The following GPR137B variants were observed in gnomAD, a reference collection of about 807,000 sequenced individuals.
The protein encoded by GPR137B is G protein-coupled receptor 137B.
GPR137B carries 42 observed loss-of-function variants against 42.5 expected under a neutral mutation model. The observed-to-expected ratio is 0.99, with a 90% CI of 0.77 to 1.28. The LOEUF (loss-of-function observed/expected upper bound fraction) is 1.28, where lower values mean the gene tolerates loss of function less well. GPR137B is among the 50% of genes most tolerant of loss of function. GPR137B has a pLI of 0.00. For missense variants in GPR137B, 487 were observed against 493.9 expected (o/e 0.99, Z 0.13); for synonymous variants, 218 against 209.7 (o/e 1.04, Z -0.34).
rs139465308 is a variant in GPR137B, at chr1:236,166,722, C to T, written c.415-1984C>T. Among the ~76,000 whole-genome samples the T allele has an allele frequency of 6.6e-3, 1,008 of 152,102 alleles. 20 individuals are homozygous for T. The highest frequency in any genetic ancestry group is 0.023 in the African/African-American group (959 of 41,484). ...AGGAATGGCCGGGCACAGTGGCTAA[C>T]GCCTGTAATCCCAGCACTTTGGGAG... On this transcript the variant is annotated intron_variant, in intron 1 of 6. Coordinates refer to ENST00000366592, the MANE Select transcript of GPR137B (RefSeq NM_003272.4).
At position 236,142,880 on chromosome 1, in the gene GPR137B, C is replaced by T. The variant is rs139382100; in HGVS notation, c.258C>T (p.Leu86=). Residue 86 remains leucine, a synonymous_variant, in exon 1 of 7, where the codon CTC becomes CTT. Transcript: ENST00000366592. Reference sequence around the variant, plus strand: ...AGAGCGTCTTCCTCTTTCTCTGCCTCTTCTGGGCCTCCCTGCGGACCGTCC... The same window carrying T: ...AGAGCGTCTTCCTCTTTCTCTGCCTTTTCTGGGCCTCCCTGCGGACCGTCC... ...SYQSVFLFLC[L]FWASLRTVLF... is the part of the protein sequence containing the mutation. 343 of 1,614,134 alleles carry T rather than the reference C, an allele frequency of 2.1e-4. 1 individual carries two copies. The highest frequency in any genetic ancestry group is 1.4e-3 in the Admixed American group (87 of 60,018).
chr1:236,156,753 A>G lies in GPR137B; in HGVS notation c.415-11953A>G, dbSNP rs1216532829. Among the ~76,000 whole-genome samples the G allele has an allele frequency of 6.6e-6, 1 of 152,178 alleles. No individual in the cohort carries two copies. The highest frequency in any genetic ancestry group is 1.5e-5 in the Non-Finnish European group (1 of 68,048). On this transcript the variant is annotated intron_variant, in intron 1 of 6. Coordinates refer to ENST00000366592, the MANE Select transcript of GPR137B (RefSeq NM_003272.4). The surrounding 1 kb of genome is among the most constrained non-coding windows in gnomAD (Gnocchi z 4.8). ...GGGAACAGACTGAAGCAGCTGACTA[A>G]TGACTGTTGCCTGGGGAGACCAGGG...
chr1:236,200,442 G>A (rs1033544689), intron 5 of GPR137B, among the ~76,000 whole-genome samples: 1 of 151,996 alleles, frequency 6.6e-6, no homozygotes, highest in African/African-American at 2.4e-5. Context: ...AGTGCTGTCA[G>A]TGGAGTACTG....
In GPR137B at chr1:236,142,556, C is replaced by G; in HGVS notation, c.-67C>G. 1 of 864,238 alleles carries G rather than the reference C, an allele frequency of 1.2e-6. No individual in the cohort carries two copies. Among genetic ancestry groups the G allele is most frequent in the Non-Finnish European group, 1.6e-6 (1 of 644,466 alleles). The allele number at this position is 864,238 out of a possible 1,614,324, so 53.5% of individuals were successfully genotyped here. ...TGCGGCTTGTTTTCTTTCCTCCAGT[C>G]TCGGGGCTGCAGGCTGAGCGCGATG... is the stretch of plus-strand genomic sequence containing the variant. On this transcript the variant is annotated 5_prime_UTR_variant, in exon 1 of 7. Coordinates refer to ENST00000366592, the MANE Select transcript of GPR137B (RefSeq NM_003272.4).
In GPR137B at chr1:236,161,770, C is replaced by T. The variant is rs114425639; in HGVS notation, c.415-6936C>T. ...TTCCTCCTCATTTTTTTTCTCTTGCCGCCGCCATGTAAGAAATGCCTTTTG... is the reference window on the plus strand; with the variant it reads ...TTCCTCCTCATTTTTTTTCTCTTGCTGCCGCCATGTAAGAAATGCCTTTTG... On this transcript the variant is annotated intron_variant, in intron 1 of 6. Transcript: ENST00000366592. Among the ~76,000 whole-genome samples the T allele has an allele frequency of 5.1e-3, 773 of 152,100 alleles. 8 individuals are homozygous for T. The highest frequency in any genetic ancestry group is 0.018 in the African/African-American group (734 of 41,478).
chr1:236,151,032 AAAC>A (rs1176075412), intron 1 of GPR137B, among the ~76,000 whole-genome samples: 1 of 152,212 alleles, frequency 6.6e-6, no homozygotes, highest in African/African-American at 2.4e-5. Flanking sequence ...AGGGTTTTGC[AAAC>A]AACAAAGTCA....
At chr1:236,160,912 T>C (rs1234736740) in intron 1 of GPR137B, among the ~76,000 whole-genome samples, 1 of 147,474 alleles carries the variant, frequency 6.8e-6, no homozygotes, top group African/African-American at 2.4e-5. Context: ...TTTTTTTGTC[T>C]TTTTGTTTTT....
intron 5 of GPR137B, among the ~76,000 whole-genome samples, chr1:236,190,148 C>CTTCTTTTTTTTTT (rs61093509): frequency 5.0e-5 from 6 of 119,398 alleles, no homozygotes; most frequent in South Asian, 2.6e-4. Context: ...CCTGCTTCTT[C>CTTCTTTTTTTTTT]TTTTTTTTTT....
rs1340072902 is a variant in GPR137B at position 236,142,987 on chromosome 1, T to G, written c.365T>G (p.Val122Gly). Residue 122 changes from valine (V) to glycine (G), a missense_variant, in exon 1 of 7, where the codon GTG becomes GGG. By Grantham distance (109) the Val-to-Gly change is moderately radical (BLOSUM62 -3). Transcript: ENST00000366592. ...TTCTGGCTGCTCTACTGCTTCCCTG[T>G]GTGCCTGCAGTTTTTCACCCTCACG... Reference protein sequence around the residue: ...FVFWLLYCFPVCLQFFTLTLM... With the variant: ...FVFWLLYCFPGCLQFFTLTLM... 1 of 1,613,998 alleles carries G rather than the reference T, an allele frequency of 6.2e-7. No individual in the cohort carries two copies. The highest frequency in any genetic ancestry group is 1.1e-5 in the South Asian group (1 of 91,052).
At chr1:236,188,531 G>A (rs1000039683) in intron 5 of GPR137B, among the ~76,000 whole-genome samples, 1 of 152,152 alleles carries the variant, frequency 6.6e-6, no homozygotes, top group Non-Finnish European at 1.5e-5. Context: ...ACCATGAACG[G>A]GTGTTGAATT....
intron 1 of GPR137B, among the ~76,000 whole-genome samples, chr1:236,152,489 G>A (rs775511830): frequency 1.3e-5 from 2 of 152,152 alleles, no homozygotes; most frequent in Non-Finnish European, 2.9e-5. Context: ...TGGACACAGT[G>A]GCTTATGCCT....
At chr1:236,175,527 C>T (rs954270055) in intron 2 of GPR137B, among the ~76,000 whole-genome samples, 3 of 152,188 alleles carry the variant, frequency 2.0e-5, no homozygotes, top group African/African-American at 7.2e-5. Flanking sequence ...TTCCATCTAG[C>T]GCTCTTCACA....
intron 1 of GPR137B, among the ~76,000 whole-genome samples, chr1:236,148,629 G>T (rs369163854): frequency 6.6e-6 from 1 of 152,146 alleles, no homozygotes. Context: ...TCGGGGTCTG[G>T]TCTGTTCTGT....
rs1021923791 is a variant in GPR137B at position 236,150,099 on chromosome 1, C to T, written c.414+7063C>T. Among the ~76,000 whole-genome samples, 1 of 143,112 alleles carries T rather than the reference C, an allele frequency of 7.0e-6. No individual in the cohort carries two copies. Among genetic ancestry groups the T allele is most frequent in the African/African-American group, 2.6e-5 (1 of 38,238 alleles). 93.9% of individuals were successfully genotyped at this position (143,112 alleles called of 152,430 possible). Reference sequence around the variant, plus strand: ...TCTGAGTGTCTGTGCATGTGTGTGTCTGTGCCTGTGTATGTCTGTGCCTGC... The same window carrying T: ...TCTGAGTGTCTGTGCATGTGTGTGTTTGTGCCTGTGTATGTCTGTGCCTGC... On this transcript the variant is annotated intron_variant, in intron 1 of 6. Coordinates refer to ENST00000366592, the MANE Select transcript of GPR137B (RefSeq NM_003272.4). The surrounding 1 kb of genome is among the most constrained non-coding windows in gnomAD (Gnocchi z 6.2).
At chr1:236,159,592 G>A (rs1662129766) in intron 1 of GPR137B, among the ~76,000 whole-genome samples, 1 of 151,596 alleles carries the variant, frequency 6.6e-6, no homozygotes, top group African/African-American at 2.4e-5. Flanking sequence ...AGAATCACTT[G>A]AACCTGGGAG....
intron 5 of GPR137B, among the ~76,000 whole-genome samples, chr1:236,184,118 A>G (rs890772865): frequency 6.6e-6 from 1 of 152,224 alleles, no homozygotes; most frequent in African/African-American, 2.4e-5. Context: ...AAAAGAAATG[A>G]AACTATTATA....
At chr1:236,158,887 T>G (rs1662106871) in intron 1 of GPR137B, among the ~76,000 whole-genome samples, 1 of 152,106 alleles carries the variant, frequency 6.6e-6, no homozygotes, top group African/African-American at 2.4e-5. Flanking sequence ...CAAGCGCAGG[T>G]TGGAAGCATA....
chr1:236,186,263 T>A (rs1350383752), intron 5 of GPR137B, among the ~76,000 whole-genome samples: 3 of 20,184 alleles, frequency 1.5e-4, no homozygotes, highest in African/African-American at 4.3e-4. Flanking sequence ...TAATATATAT[T>A]ATATATTATA....
At position 236,208,307 on chromosome 1, in the gene GPR137B, A is replaced by G. The variant is rs1177637876; in HGVS notation, c.*149A>G. The G allele has an allele frequency of 8.3e-6, 12 of 1,439,338 alleles. No homozygotes were observed. In the African/African-American group the frequency reaches 1.4e-4, roughly 17 times the overall value. The allele number at this position is 1,439,338 out of a possible 1,614,324, so 89.2% of individuals were successfully genotyped here. On this transcript the variant is annotated 3_prime_UTR_variant, in exon 7 of 7. Transcript: ENST00000366592. ...TCCAATGGCCCCATAGGAATAAGCA[A>G]TAATGTAGACTGATAAACCCTTATT...
Sources: allele counts gnomAD v4.1 joint callset (sites outside exome capture counted in the v4.1 genomes callset), GRCh38; gene constraint gnomAD v4.1.1; non-coding constraint Gnocchi (gnomAD v3.1); transcripts MANE v1.5; gene names NCBI Gene and HGNC (gene_info 2026-07-23, HGNC 2026-07-21).